The following CHRM5 variants were observed in gnomAD, a reference collection of about 807,000 sequenced individuals.
CHRM5 encodes the protein muscarinic acetylcholine receptor M5.
CHRM5 carries 18 observed loss-of-function variants against 39.0 expected under a neutral mutation model. That is an observed-to-expected ratio of 0.46 (90% CI 0.32 to 0.68). The LOEUF (loss-of-function observed/expected upper bound fraction) is 0.68. Among genes scored for constraint, CHRM5 ranks in the 30% least tolerant of loss-of-function variants. The probability of loss-of-function intolerance (pLI) is 0.04; values close to 1 mark genes in which losing one functional copy is unlikely to be tolerated. For synonymous variants in CHRM5, 241 were observed against 246.3 expected (o/e 0.98, Z 0.20); for missense variants, 515 against 651.1 (o/e 0.79, Z 2.28).
chr15:34,019,654 T>C (rs1898115863), intron 1 of CHRM5, among the ~76,000 whole-genome samples: 1 of 152,246 alleles, frequency 6.6e-6, no homozygotes, highest in African/African-American at 2.4e-5. Context: ...ACCTTTTTTA[T>C]GTTTAGACAC....
At chr15:33,980,910 A>G (rs546751476) in intron 1 of CHRM5, among the ~76,000 whole-genome samples, 1 of 152,300 alleles carries the variant, frequency 6.6e-6, no homozygotes, top group South Asian at 2.1e-4. Flanking sequence ...TAAAAATCGT[A>G]TCACTAGAGC....
intron 1 of CHRM5, among the ~76,000 whole-genome samples, chr15:33,979,620 T>C (rs954810855): frequency 2.0e-5 from 3 of 152,208 alleles, no homozygotes; most frequent in African/African-American, 7.2e-5. Flanking sequence ...GTTTCCTCCT[T>C]TAAAAAATGA....
chr15:34,030,041 G>A lies in CHRM5; in HGVS notation c.-407-16499G>A, dbSNP rs554082709. 7.9e-5 allele frequency among the ~76,000 whole-genome samples: 12 copies of A among 152,104 alleles called. No individual in the cohort carries two copies. In the East Asian group the frequency reaches 2.3e-3, roughly 30 times the overall value. ...GGCCGAGGCAGGCGGATCACTTGAG[G>A]TCAGGAGTTCGAGCCCAGCCTGGCC... On this transcript the variant is annotated intron_variant, in intron 1 of 2. Coordinates refer to ENST00000383263, the MANE Select transcript of CHRM5 (RefSeq NM_012125.4).
chr15:33,981,898 G>C (rs1040455189), intron 1 of CHRM5, among the ~76,000 whole-genome samples: 1 of 151,990 alleles, frequency 6.6e-6, no homozygotes, highest in Non-Finnish European at 1.5e-5. Context: ...GCAGTGGCGC[G>C]ATCTTGGCTC....
intron 1 of CHRM5, among the ~76,000 whole-genome samples, chr15:33,988,216 TAGAC>T (rs1279534088): frequency 1.3e-5 from 2 of 152,208 alleles, no homozygotes; most frequent in Admixed American, 6.5e-5. Flanking sequence ...ATGTGTATCT[TAGAC>T]AGTGATATAC....
intron 1 of CHRM5, among the ~76,000 whole-genome samples, chr15:33,970,416 C>G (rs1434911105): frequency 1.3e-5 from 2 of 151,838 alleles, no homozygotes; most frequent in African/African-American, 4.8e-5. Context: ...TTATCTAATA[C>G]AACAATTTGT....
At chr15:34,038,665 C>CCGG in intron 1 of CHRM5, 13 of 1,014,294 alleles carry the variant, frequency 1.3e-5, no homozygotes, top group Non-Finnish European at 1.4e-5. Context: ...GGCGCCGGCG[C>CCGG]CGCCGCCCGT....
chr15:33,988,860 A>C (rs1171965235), intron 1 of CHRM5, among the ~76,000 whole-genome samples: 2 of 152,242 alleles, frequency 1.3e-5, no homozygotes, highest in Admixed American at 6.5e-5. Context: ...AAAGATTTTC[A>C]GTAAAGGTGA....
At chr15:33,988,658 C>G (rs1248905108) in intron 1 of CHRM5, among the ~76,000 whole-genome samples, 1 of 152,090 alleles carries the variant, frequency 6.6e-6, no homozygotes, top group Non-Finnish European at 1.5e-5. Context: ...GAAGCCTAAC[C>G]CTTCTGAGGA....
intron 1 of CHRM5, among the ~76,000 whole-genome samples, chr15:34,004,837 T>C (rs1369695571): frequency 6.6e-6 from 1 of 152,158 alleles, no homozygotes; most frequent in African/African-American, 2.4e-5. Flanking sequence ...ATTAAATTTT[T>C]AAAACAGAGA....
intron 1 of CHRM5, chr15:34,003,334 T>C (rs970969984): frequency 2.6e-6 from 2 of 756,322 alleles, no homozygotes; most frequent in Admixed American, 2.9e-5. Flanking sequence ...TGTCTGAAGA[T>C]ATTAAATATT....
At chr15:33,995,005 T>A (rs1225981565) in intron 1 of CHRM5, among the ~76,000 whole-genome samples, 1 of 152,214 alleles carries the variant, frequency 6.6e-6, no homozygotes, top group Non-Finnish European at 1.5e-5. Context: ...CTCACACCTG[T>A]AATCTCAGCA....
intron 1 of CHRM5, among the ~76,000 whole-genome samples, chr15:34,034,887 G>GA (rs1899044878): frequency 6.6e-6 from 1 of 151,970 alleles, no homozygotes; most frequent in Non-Finnish European, 1.5e-5. Context: ...AGGCTTTCTG[G>GA]AAAAAAAGGA....
At chr15:33,987,032 A>G (rs991950984) in intron 1 of CHRM5, among the ~76,000 whole-genome samples, 4 of 152,246 alleles carry the variant, frequency 2.6e-5, no homozygotes, top group African/African-American at 9.6e-5. Flanking sequence ...ACCACAGGTT[A>G]TGAAAAGCAG....
In CHRM5 at chr15:34,062,847, A is replaced by G; in HGVS notation, c.130A>G (p.Thr44Ala). Residue 44 changes from threonine (T) to alanine (A), a missense_variant, in exon 3 of 3, where the codon ACC becomes GCC. Physicochemically the swap from Thr to Ala is moderately conservative, Grantham distance 58. Transcript: ENST00000383263. ...AAVTAVVSLI[T>A]IVGNVLVMIS... The stretch of plus-strand genomic sequence containing the variant: ...TGTGACTGCTGTGGTAAGCCTGATC[A>G]CCATTGTGGGCAATGTCTTGGTCAT... 6.2e-7 allele frequency: 1 copy of G among 1,614,230 alleles called. No homozygotes were observed. Among genetic ancestry groups the G allele is most frequent in the Non-Finnish European group, 8.5e-7 (1 of 1,180,048 alleles).
chr15:34,038,725 G>C lies in CHRM5; in HGVS notation c.-407-7815G>C, dbSNP rs1298400568. On this transcript the variant is annotated intron_variant, in intron 1 of 2. Transcript: ENST00000383263. ...TTGCGGCTCTTGACTGGCGGCCTCG[G>C]CCCCACTTGCCCCAGTTACACGCGG... 8.9e-6 allele frequency: 10 copies of C among 1,128,854 alleles called. No homozygotes were observed. The East Asian group carries it at 3.5e-4, about 40-fold the overall frequency. 69.9% of individuals were successfully genotyped at this position (1,128,854 alleles called of 1,614,324 possible).
At chr15:34,024,783 C>T (rs1408954117) in intron 1 of CHRM5, among the ~76,000 whole-genome samples, 2 of 151,396 alleles carry the variant, frequency 1.3e-5, no homozygotes, top group Non-Finnish European at 2.9e-5. Context: ...ATAGCTTGAA[C>T]CCAAGAGGCA....
At chr15:34,039,379 A>AT (rs11464486) in intron 1 of CHRM5, among the ~76,000 whole-genome samples, 24,608 of 149,142 alleles carry the variant, frequency 0.16, 2,482 homozygotes, top group Middle Eastern at 0.28. Flanking sequence ...AGGACGAGTC[A>AT]TAAAATAAAA....
intron 1 of CHRM5, among the ~76,000 whole-genome samples, chr15:34,043,021 G>A (rs554087376): frequency 1.3e-5 from 2 of 152,084 alleles, no homozygotes; most frequent in South Asian, 4.1e-4. Context: ...GCCGAGGTGG[G>A]TGGATCACGA....
Sources: gnomAD v4.1 joint callset for allele counts (sites outside exome capture counted in the v4.1 genomes callset) on GRCh38, gnomAD v4.1.1 for gene constraint, MANE v1.5 for transcripts, NCBI Gene and HGNC (gene_info 2026-07-23, HGNC 2026-07-21) for gene names.